The following FUCA1 variants were observed in gnomAD, a reference collection of about 807,000 sequenced individuals.
FUCA1 encodes alpha-L-fucosidase 1.
In FUCA1, 52 loss-of-function variants were observed where a neutral mutation model predicts 56.8. The observed-to-expected ratio is 0.92, with a 90% CI of 0.73 to 1.15. The LOEUF (loss-of-function observed/expected upper bound fraction) is 1.15, where lower values mean the gene tolerates loss of function less well. FUCA1 is among the 50% of genes most tolerant of loss of function. The pLI is 0.00. For missense variants in FUCA1, 568 were observed against 592.6 expected (o/e 0.96, Z 0.43); for synonymous variants, 230 against 226.6 (o/e 1.02, Z -0.14).
chr1:23,857,215 T>C (rs1194805140), intron 4 of FUCA1, among the ~76,000 whole-genome samples: 1 of 152,228 alleles, frequency 6.6e-6, no homozygotes, highest in Non-Finnish European at 1.5e-5. Flanking sequence ...CATATATACA[T>C]AGACGCCATT....
In FUCA1 at chr1:23,845,429, G is replaced by T. The variant is rs886046324; in HGVS notation, c.*286C>A. ...GTAGGTTATCAGAGAACAGAGGGAA[G>T]ATTCCATTGTAGATAATTTCCAAAT... On this transcript the variant is annotated 3_prime_UTR_variant, in exon 8 of 8. Coordinates refer to ENST00000374479, the MANE Select transcript of FUCA1 (RefSeq NM_000147.5). 5 of 454,374 alleles carry T rather than the reference G, an allele frequency of 1.1e-5. No individual in the cohort carries two copies. Among genetic ancestry groups the T allele is most frequent in the South Asian group, 8.4e-5 (4 of 47,520 alleles). 28.1% of individuals were successfully genotyped at this position (454,374 alleles called of 1,614,324 possible).
chr1:23,855,292 T>C (rs1489244546), intron 4 of FUCA1, among the ~76,000 whole-genome samples: 1 of 152,186 alleles, frequency 6.6e-6, no homozygotes, highest in African/African-American at 2.4e-5. Flanking sequence ...GGTCAGGAGA[T>C]AGAGACCAAC....
In FUCA1 at chr1:23,845,678, CAG is replaced by C. The variant is rs934858106; in HGVS notation, c.*35_*36del. 1.9e-6 allele frequency: 3 copies of C among 1,613,650 alleles called. No individual in the cohort carries two copies. The highest frequency in any genetic ancestry group is 2.2e-5 in the East Asian group (1 of 44,892). ...TAAGAGAAAAACTGAAGCAGGAAAA[CAG>C]TGAGCAGCGCCTCTTTCTTCTTGCA... On this transcript the variant is annotated 3_prime_UTR_variant, in exon 8 of 8. Transcript: ENST00000374479.
At chr1:23,850,492 AT>A (rs1323443773) in intron 5 of FUCA1, among the ~76,000 whole-genome samples, 2 of 151,628 alleles carry the variant, frequency 1.3e-5, no homozygotes, top group African/African-American at 2.4e-5. Context: ...TTTAAAAAAA[AT>A]TTTTGTTTCA....
intron 3 of FUCA1, 25 bp from the exon 4 acceptor site, chr1:23,859,928 A>G (rs370998234): frequency 7.6e-6 from 11 of 1,454,156 alleles, no homozygotes; most frequent in Non-Finnish European, 1.1e-5. Flanking sequence ...ATCAGGACAG[A>G]GCTTATTATC....
intron 5 of FUCA1, among the ~76,000 whole-genome samples, chr1:23,850,802 T>A (rs1639239497): frequency 6.6e-6 from 1 of 152,164 alleles, no homozygotes; most frequent in East Asian, 1.9e-4. Context: ...TTTTATTTTT[T>A]AAAATAGAGA....
Position 23,845,867 on chromosome 1 carries a change from A to G in FUCA1, c.1261-12T>C, listed in dbSNP as rs764918642. 2 of 1,614,102 alleles carry G rather than the reference A, an allele frequency of 1.2e-6. No homozygotes were observed. The highest frequency in any genetic ancestry group is 2.2e-5 in the East Asian group (1 of 44,884). ...CCCAGCATTGTTATCTGCAGAAAAC[A>G]AAAGGGAATGAAACAAACTGGTAAT... On this transcript the variant is annotated splice_polypyrimidine_tract_variant and intron_variant, in intron 7 of 7. Transcript: ENST00000374479.
chr1:23,860,147 C>A (rs1237991895), intron 3 of FUCA1, among the ~76,000 whole-genome samples: 4 of 152,114 alleles, frequency 2.6e-5, no homozygotes, highest in Non-Finnish European at 5.9e-5. Context: ...GACTTGTGGA[C>A]TGATTTTTGC....
At position 23,853,344 on chromosome 1, in the gene FUCA1, T is replaced by TG. The variant is rs1408535322; in HGVS notation, c.969+1015dup. On this transcript the variant is annotated intron_variant, in intron 5 of 7. Coordinates refer to ENST00000374479, the MANE Select transcript of FUCA1 (RefSeq NM_000147.5). The stretch of plus-strand genomic sequence containing the variant: ...GCAGCCACCCCATCCGGGAGGGAGG[T>TG]GGGGGTCAGCCCCCGCCCGGCCAGC... Among the ~76,000 whole-genome samples, 314 of 142,386 alleles carry TG rather than the reference T, an allele frequency of 2.2e-3. 2 individuals carry two copies. The highest frequency in any genetic ancestry group is 8.1e-3 in the African/African-American group (301 of 37,266). The allele number at this position is 142,386 out of a possible 152,430, so 93.4% of individuals were successfully genotyped here. A position where few individuals can be genotyped will look rare whatever the true frequency, so the allele number is the denominator to read the frequency against.
Position 23,867,872 on chromosome 1 carries a change from G to T in FUCA1, c.389+26C>A. The T allele has an allele frequency of 6.5e-7, 1 of 1,534,012 alleles. No individual in the cohort carries two copies. Among genetic ancestry groups the T allele is most frequent in the Non-Finnish European group, 8.8e-7 (1 of 1,141,968 alleles). On this transcript the variant is annotated intron_variant, in intron 1 of 7. Transcript: ENST00000374479. This position sits in a 1 kb window ranked among gnomAD's most constrained non-coding sequence, Gnocchi z 4.9. ...TGTTTGCCGCCCGAGCCGGGAAGGGGCGCCGCTCCCCGGGACCACACTCAC... is the reference window on the plus strand; with the variant it reads ...TGTTTGCCGCCCGAGCCGGGAAGGGTCGCCGCTCCCCGGGACCACACTCAC...
chr1:23,859,937 T>A (rs1639472487), intron 3 of FUCA1, 34 bp from the exon 4 acceptor site: 2 of 1,389,054 alleles, frequency 1.4e-6, no homozygotes, highest in Non-Finnish European at 2.1e-6. Context: ...GAGCTTATTA[T>A]CTGAACATGT....
At chr1:23,857,209 T>C (rs755963702) in intron 4 of FUCA1, among the ~76,000 whole-genome samples, 3 of 152,098 alleles carry the variant, frequency 2.0e-5, no homozygotes, top group Admixed American at 6.6e-5. Flanking sequence ...CCTGAACATA[T>C]ATACATAGAC....
At chr1:23,854,249 C>A in intron 5 of FUCA1, 111 bp downstream of exon 5, 1 of 875,108 alleles carries the variant, frequency 1.1e-6, no homozygotes, top group East Asian at 2.5e-5. Flanking sequence ...CCAAAATATG[C>A]ATCTGTAAAC....
In FUCA1 at chr1:23,848,683, G is replaced by A. The variant is rs548735209; in HGVS notation, c.1126C>T (p.Arg376Trp). 1.4e-5 allele frequency: 22 copies of A among 1,613,976 alleles called. No homozygotes were observed. Among genetic ancestry groups the A allele is most frequent in the South Asian group, 1.1e-4 (10 of 91,090 alleles). The change falls in exon 6 of 8, where the codon CGG becomes TGG. Residue 376 changes from arginine to tryptophan, a missense_variant. Transcript: ENST00000374479. The stretch of plus-strand genomic sequence containing the variant: ...GTTGTGTTCTTTTCCCATTGCACCC[G>A]CCATGGTTTGGAGGCATAGATAGCC... ...GEAIYASKPWRVQWEKNTTSV... is the reference protein window; with the variant it reads ...GEAIYASKPWWVQWEKNTTSV...
rs1639655456 is a variant in FUCA1 at position 23,867,806 on chromosome 1, C to T, written c.389+92G>A. The T allele has an allele frequency of 1.4e-5, 20 of 1,447,374 alleles. No homozygotes were observed. The South Asian group carries it at 2.6e-4, about 19-fold the overall frequency. The allele number at this position is 1,447,374 out of a possible 1,614,324, so 89.7% of individuals were successfully genotyped here. ...CGGGCCCCGGGGTCATGGGGGCGAC[C>T]GGCAGCTGCGCGCCCCAGCTGGCCG... On this transcript the variant is annotated intron_variant, in intron 1 of 7. Coordinates refer to ENST00000374479, the MANE Select transcript of FUCA1 (RefSeq NM_000147.5). This position sits in a 1 kb window ranked among gnomAD's most constrained non-coding sequence, Gnocchi z 4.9.
intron 4 of FUCA1, among the ~76,000 whole-genome samples, chr1:23,857,352 CAG>C (rs1196152716): frequency 1.3e-5 from 2 of 152,146 alleles, no homozygotes; most frequent in Non-Finnish European, 2.9e-5. Context: ...GTGAATAAAA[CAG>C]AGTTCTTGCC....
rs370453371 is a variant in FUCA1 at position 23,848,690 on chromosome 1, T to C, written c.1119A>G (p.Lys373=). 4.3e-4 allele frequency: 693 copies of C among 1,614,048 alleles called. 2 individuals carry two copies. Among genetic ancestry groups the C allele is most frequent in the Non-Finnish European group, 5.6e-4 (657 of 1,180,028 alleles). ...SINGEAIYAS[K]PWRVQWEKNT... ...TCTTTTCCCATTGCACCCGCCATGG[T>C]TTGGAGGCATAGATAGCCTCCCCAT... is the stretch of plus-strand genomic sequence containing the variant. The change falls in exon 6 of 8, where the codon AAA becomes AAG. Residue 373 remains lysine (K), a synonymous_variant. Coordinates refer to ENST00000374479, the MANE Select transcript of FUCA1 (RefSeq NM_000147.5).
chr1:23,851,371 T>C (rs1470068031), intron 5 of FUCA1, among the ~76,000 whole-genome samples: 1 of 141,532 alleles, frequency 7.1e-6, no homozygotes, highest in Non-Finnish European at 1.5e-5. Flanking sequence ...CATAAATAAA[T>C]AAATAAATAT....
chr1:23,847,197 A>T (rs1422995858), intron 6 of FUCA1, among the ~76,000 whole-genome samples: 1 of 152,224 alleles, frequency 6.6e-6, no homozygotes, highest in Non-Finnish European at 1.5e-5. Flanking sequence ...TTTAAAAATT[A>T]TCTCCTACAT....
Sources: allele counts gnomAD v4.1 joint callset (sites outside exome capture counted in the v4.1 genomes callset), GRCh38; gene constraint gnomAD v4.1.1; non-coding constraint Gnocchi (gnomAD v3.1); transcripts MANE v1.5; gene names NCBI Gene and HGNC (gene_info 2026-07-23, HGNC 2026-07-21).